Variants in SLC41A3 observed in about 807,000 individuals in gnomAD.
SLC41A3 encodes the protein solute carrier family 41 member 3.
A neutral mutation model predicts 45.4 loss-of-function variants in SLC41A3; 44 were observed. That is an observed-to-expected ratio of 0.97 (90% CI 0.76 to 1.25). The LOEUF is 1.25. Among genes scored for constraint, SLC41A3 ranks in the 50% most tolerant of loss-of-function variants. SLC41A3 has a pLI of 0.00. For synonymous variants in SLC41A3, 256 were observed against 252.4 expected, an observed-to-expected ratio of 1.01 and a Z score of -0.13; for missense variants, 550 against 600.6, an observed-to-expected ratio of 0.92 and a Z score of 0.88.
chr3:126,056,241 G>A (rs2107931088), intron 2 of SLC41A3: 1 of 1,333,376 alleles, frequency 7.5e-7, no homozygotes, highest in East Asian at 2.4e-5. Context: ...AGGGCAGGTT[G>A]AGGGCTGCCC....
chr3:126,081,142 A>C (rs1362978122), intron 1 of SLC41A3, among the ~76,000 whole-genome samples: 1 of 152,228 alleles, frequency 6.6e-6, no homozygotes, highest in Admixed American at 6.5e-5. Context: ...GATAAAGAAG[A>C]TGCGGTACAT....
Position 126,068,310 on chromosome 3 carries a change from G to A in SLC41A3, c.-27-64C>T, listed in dbSNP as rs1163040927. ...GATTCCCATGGCGCTAACACCCAAG[G>A]AGCCTCAGGCACCTGTCCAGCCCCA... On this transcript the variant is annotated intron_variant, in intron 1 of 10. Transcript: ENST00000360370. 2.8e-6 allele frequency: 4 copies of A among 1,409,702 alleles called. No individual in the cohort carries two copies. The East Asian group carries it at 7.4e-5, about 26-fold the overall frequency. The allele number at this position is 1,409,702 out of a possible 1,614,324, so 87.3% of individuals were successfully genotyped here. A position where few individuals can be genotyped will look rare whatever the true frequency, so the allele number is the denominator to read the frequency against.
Position 126,050,818 on chromosome 3 carries a change from A to C in SLC41A3, c.381+125T>G, listed in dbSNP as rs1046024718. On this transcript the variant is annotated intron_variant, in intron 3 of 10. Coordinates refer to ENST00000360370, the MANE Select transcript of SLC41A3 (RefSeq NM_017836.4). ...ACAAGGGACAGCATGATGAGGTATC[A>C]AAACCCAGAAATATCCATTGTTTTG... 59 of 1,407,776 alleles carry C rather than the reference A, an allele frequency of 4.2e-5. No individual in the cohort carries two copies. In the East Asian group the frequency reaches 1.3e-3, roughly 31 times the overall value. The allele number at this position is 1,407,776 out of a possible 1,614,324, so 87.2% of individuals were successfully genotyped here. A position where few individuals can be genotyped will look rare whatever the true frequency, so the allele number is the denominator to read the frequency against.
In SLC41A3 at chr3:126,006,727, C is replaced by G; in HGVS notation, c.*289G>C. On this transcript the variant is annotated 3_prime_UTR_variant, in exon 11 of 11. Coordinates refer to ENST00000360370, the MANE Select transcript of SLC41A3 (RefSeq NM_017836.4). ...ATGCCTCTTCTTTACCTTCTCAGGC[C>G]AGAACACCCTCCTCTCCACAAACGT... The G allele has an allele frequency of 6.9e-7, 1 of 1,448,742 alleles. No homozygotes were observed. Among genetic ancestry groups the G allele is most frequent in the Non-Finnish European group, 9.1e-7 (1 of 1,104,850 alleles). The allele number at this position is 1,448,742 out of a possible 1,614,324, so 89.7% of individuals were successfully genotyped here.
At chr3:126,051,906 C>T (rs750128080) in intron 2 of SLC41A3, among the ~76,000 whole-genome samples, 1 of 152,134 alleles carries the variant, frequency 6.6e-6, no homozygotes, top group East Asian at 1.9e-4. Flanking sequence ...CCATCCCCTA[C>T]AAGGCAAGAG....
intron 3 of SLC41A3, among the ~76,000 whole-genome samples, chr3:126,038,411 G>T (rs547984148): frequency 9.2e-5 from 14 of 152,370 alleles, no homozygotes; most frequent in African/African-American, 3.4e-4. Context: ...GAAAGCCACA[G>T]GGGTAGAGAA....
intron 1 of SLC41A3, among the ~76,000 whole-genome samples, chr3:126,074,468 G>A (rs549097785): frequency 4.6e-5 from 7 of 152,044 alleles, no homozygotes; most frequent in East Asian, 2.0e-4. Flanking sequence ...GAAATGAGAC[G>A]TATCCAGCTT....
chr3:126,009,395 C>G (rs1939464159), intron 9 of SLC41A3, among the ~76,000 whole-genome samples: 1 of 152,212 alleles, frequency 6.6e-6, no homozygotes, highest in Middle Eastern at 3.2e-3. Flanking sequence ...GCCCCTTCTT[C>G]ATAGCAGCCT....
chr3:126,016,028 C>T (rs933811846), intron 7 of SLC41A3, among the ~76,000 whole-genome samples: 1 of 152,216 alleles, frequency 6.6e-6, no homozygotes, highest in African/African-American at 2.4e-5. Flanking sequence ...CCCCTTGGGA[C>T]TTCTTAGAGC....
chr3:126,031,761 T>C (rs1350694146), intron 4 of SLC41A3, among the ~76,000 whole-genome samples: 1 of 152,218 alleles, frequency 6.6e-6, no homozygotes, highest in Non-Finnish European at 1.5e-5. Flanking sequence ...AAAGATTTTA[T>C]GGAAAACAGC....
chr3:126,054,499 A>C (rs564102040), intron 2 of SLC41A3, among the ~76,000 whole-genome samples: 1 of 152,236 alleles, frequency 6.6e-6, no homozygotes, highest in East Asian at 1.9e-4. Flanking sequence ...GAGTAGACAG[A>C]GCCCCTCACT....
chr3:126,011,091 G>A (rs993095643), intron 9 of SLC41A3, among the ~76,000 whole-genome samples: 2 of 152,196 alleles, frequency 1.3e-5, no homozygotes, highest in African/African-American at 2.4e-5. Flanking sequence ...ACAGCAGAGT[G>A]AGACGACACA....
chr3:126,058,477 G>A (rs938325933), intron 2 of SLC41A3, among the ~76,000 whole-genome samples: 3 of 152,114 alleles, frequency 2.0e-5, no homozygotes, highest in African/African-American at 7.2e-5. Context: ...TCAAGGAAAG[G>A]TGCAGCCAGA....
At chr3:126,089,786 G>T (rs1310422273) in intron 1 of SLC41A3, among the ~76,000 whole-genome samples, 2 of 152,142 alleles carry the variant, frequency 1.3e-5, no homozygotes, top group Non-Finnish European at 1.5e-5. Context: ...GTGCCCAAAA[G>T]AGTTCCATAA....
intron 2 of SLC41A3, among the ~76,000 whole-genome samples, chr3:126,066,666 T>A (rs556496796): frequency 6.6e-6 from 1 of 152,276 alleles, no homozygotes; most frequent in Non-Finnish European, 1.5e-5. Flanking sequence ...TAAAGATAGT[T>A]ATAGGAAATA....
chr3:126,076,421 G>C (rs62263492), intron 1 of SLC41A3, among the ~76,000 whole-genome samples: 8,451 of 152,152 alleles, frequency 0.056, 262 homozygotes, highest in Non-Finnish European at 0.067. Context: ...ACAGACATTT[G>C]GGTTATTTCC....
chr3:126,043,850 G>A (rs1302399826), intron 3 of SLC41A3, among the ~76,000 whole-genome samples: 3 of 146,198 alleles, frequency 2.1e-5, no homozygotes, highest in African/African-American at 7.5e-5. Context: ...CACCCCAGAG[G>A]AAGGCAATAG....
intron 1 of SLC41A3, among the ~76,000 whole-genome samples, chr3:126,094,143 T>C (rs906138352): frequency 6.6e-6 from 1 of 152,160 alleles, no homozygotes; most frequent in Non-Finnish European, 1.5e-5. Context: ...CCAGAACAAT[T>C]ATATAGCCCT....
intron 6 of SLC41A3, among the ~76,000 whole-genome samples, chr3:126,017,562 A>G (rs1221103286): frequency 6.6e-6 from 1 of 152,208 alleles, no homozygotes; most frequent in Non-Finnish European, 1.5e-5. Flanking sequence ...CATCTCGTGC[A>G]TTCATTCCTC....
Sources: gnomAD v4.1 joint callset for allele counts (sites outside exome capture counted in the v4.1 genomes callset) on GRCh38, gnomAD v4.1.1 for gene constraint, MANE v1.5 for transcripts, NCBI Gene and HGNC (gene_info 2026-07-23, HGNC 2026-07-21) for gene names.